The following SPAG9 variants were observed in gnomAD, a reference collection of about 807,000 sequenced individuals.
The protein encoded by SPAG9 is C-Jun-amino-terminal kinase-interacting protein 4.
Under a neutral mutation model 166.5 loss-of-function variants are expected in SPAG9, and 35 were observed. The ratio of observed to expected loss-of-function variants is 0.21; its 90% CI spans 0.16 to 0.28. SPAG9 has a LOEUF of 0.28. Among genes scored for constraint, SPAG9 ranks in the 10% least tolerant of loss-of-function variants. The pLI is 1.00. For synonymous variants in SPAG9, 534 were observed against 565.5 expected (o/e 0.94, Z 0.79); for missense variants, 1,235 against 1,603.3 (o/e 0.77, Z 3.92).
In SPAG9 at chr17:51,000,512, T is replaced by C. The variant is rs184624956; in HGVS notation, c.1608-795A>G. Among the ~76,000 whole-genome samples, 1,371 of 152,110 alleles carry C rather than the reference T, an allele frequency of 9.0e-3. 24 individuals carry two copies. Among genetic ancestry groups the C allele is most frequent in the African/African-American group, 0.032 (1,320 of 41,474 alleles). ...ACTTTGGGAGGCCGAGGCGGGCGGA[T>C]CACTTGAGGTCAAAAGTTCGAGACC... is the stretch of plus-strand genomic sequence containing the variant. On this transcript the variant is annotated intron_variant, in intron 13 of 29. Coordinates refer to ENST00000262013, the MANE Select transcript of SPAG9 (RefSeq NM_001130528.3).
Position 51,093,209 on chromosome 17 carries a change from T to A in SPAG9, c.304-13505A>T, listed in dbSNP as rs898276405. ...AGGCAAAATAGCAAAACCCTCTTTT[T>A]AAAAAAAACAAAAAAATGAAAATAA... On this transcript the variant is annotated intron_variant, in intron 1 of 29. Transcript: ENST00000262013. Among the ~76,000 whole-genome samples, 3 of 150,408 alleles carry A rather than the reference T, an allele frequency of 2.0e-5. No individual in the cohort carries two copies. In the Admixed American group the frequency reaches 2.0e-4, roughly 10 times the overall value.
chr17:51,074,238 A>G (rs2047904989), intron 2 of SPAG9, among the ~76,000 whole-genome samples: 1 of 151,832 alleles, frequency 6.6e-6, no homozygotes, highest in Admixed American at 6.6e-5. Flanking sequence ...TCCGTCTCAA[A>G]AAAATAAAAA....
chr17:50,976,902 A>G, intron 27 of SPAG9: 1 of 428,010 alleles, frequency 2.3e-6, no homozygotes, highest in Non-Finnish European at 4.2e-6. Context: ...ATGTTTTGAC[A>G]ACGAAAAACT....
chr17:50,996,301 A>G, intron 16 of SPAG9: 1 of 400,914 alleles, frequency 2.5e-6, no homozygotes, highest in Non-Finnish European at 4.5e-6. Flanking sequence ...CTCTGGTTAC[A>G]GCAGAGCGGG....
intron 1 of SPAG9, among the ~76,000 whole-genome samples, chr17:51,101,374 A>C (rs1219522268): frequency 6.7e-6 from 1 of 148,332 alleles, no homozygotes; most frequent in African/African-American, 2.5e-5. Flanking sequence ...AAAAAAAATT[A>C]CCTTTCTGGT....
chr17:50,990,834 G>A (rs1289209817), intron 19 of SPAG9, 166 bp from the exon 20 acceptor site: 9 of 566,996 alleles, frequency 1.6e-5, no homozygotes, highest in South Asian at 4.6e-5. Flanking sequence ...AATATGGGAA[G>A]GTAACTTAAA....
intron 5 of SPAG9, among the ~76,000 whole-genome samples, chr17:51,038,453 T>C (rs1477679696): frequency 2.0e-5 from 3 of 152,128 alleles, no homozygotes; most frequent in Non-Finnish European, 2.9e-5. Flanking sequence ...GCTGAATATA[T>C]TGAAATATAT....
intron 25 of SPAG9, among the ~76,000 whole-genome samples, 164 bp from the exon 26 acceptor site, chr17:50,980,081 C>A (rs1974483912): frequency 6.6e-6 from 1 of 152,092 alleles, no homozygotes; most frequent in African/African-American, 2.4e-5. Context: ...TCCTGGAATG[C>A]AAAAAATAAA....
chr17:50,964,542 C>T lies in SPAG9; in HGVS notation c.*1730G>A, dbSNP rs546771970. 1.7e-4 allele frequency: 35 copies of T among 205,998 alleles called. 1 individual carries two copies. Among genetic ancestry groups the T allele is most frequent in the South Asian group, 1.4e-3 (30 of 21,202 alleles). The allele number at this position is 205,998 out of a possible 1,614,324, so 12.8% of individuals were successfully genotyped here. ...GGTGGAGGTTGCAGTGAGCTGAGAT[C>T]GCACCACTGCATTCCAGCCTGGGCA... is the stretch of plus-strand genomic sequence containing the variant. On this transcript the variant is annotated 3_prime_UTR_variant, in exon 30 of 30. Coordinates refer to ENST00000262013, the MANE Select transcript of SPAG9 (RefSeq NM_001130528.3).
At chr17:51,083,205 T>A (rs2048214185) in intron 1 of SPAG9, among the ~76,000 whole-genome samples, 1 of 151,918 alleles carries the variant, frequency 6.6e-6, no homozygotes, top group East Asian at 1.9e-4. Flanking sequence ...CTTTTTTACA[T>A]AAGCTTGAGT....
At chr17:51,110,862 GT>G (rs1462101741) in intron 1 of SPAG9, among the ~76,000 whole-genome samples, 3 of 152,042 alleles carry the variant, frequency 2.0e-5, no homozygotes, top group African/African-American at 7.2e-5. Flanking sequence ...GCTCATGCCT[GT>G]AATCCCACCA....
intron 1 of SPAG9, among the ~76,000 whole-genome samples, chr17:51,095,296 TAAAAAAAAAAAAA>T (rs71149343): frequency 4.8e-5 from 4 of 83,474 alleles, no homozygotes; most frequent in Admixed American, 1.2e-4. Context: ...ACTCCATCTT[TAAAAAAAAAAAAA>T]AAAAAAAAAA....
chr17:51,066,292 G>GT (rs2047662538), intron 2 of SPAG9, among the ~76,000 whole-genome samples: 1 of 151,682 alleles, frequency 6.6e-6, no homozygotes, highest in South Asian at 2.1e-4. Context: ...TTGATTTTTT[G>GT]TAGAGACAAG....
At chr17:50,972,432 C>T (rs894536413) in intron 28 of SPAG9, among the ~76,000 whole-genome samples, 1 of 152,174 alleles carries the variant, frequency 6.6e-6, no homozygotes, top group Non-Finnish European at 1.5e-5. Context: ...AACAAAATTA[C>T]TAGTAAATGT....
intron 8 of SPAG9, among the ~76,000 whole-genome samples, chr17:51,017,959 T>C (rs1190477971): frequency 3.9e-5 from 6 of 152,170 alleles, no homozygotes; most frequent in Non-Finnish European, 8.8e-5. Flanking sequence ...AAATGGCTTG[T>C]ATTTTTATAG....
chr17:51,046,659 A>T (rs770209505), intron 4 of SPAG9: 5 of 1,535,552 alleles, frequency 3.3e-6, no homozygotes, highest in Non-Finnish European at 4.4e-6. Context: ...TCCAGGACTC[A>T]TGGCGCTGTG....
At position 51,025,864 on chromosome 17, in the gene SPAG9, T is replaced by C. The variant is rs116494753; in HGVS notation, c.784-4499A>G. Among the ~76,000 whole-genome samples the C allele has an allele frequency of 5.3e-3, 802 of 152,302 alleles. 5 individuals carry two copies. The highest frequency in any genetic ancestry group is 0.018 in the African/African-American group (755 of 41,564). On this transcript the variant is annotated intron_variant, in intron 6 of 29. Transcript: ENST00000262013. ...CTCAGATTGCACCCATGTTATCATG[T>C]ACATGAATTCTCATTCTTTAAAAGT...
At position 51,001,967 on chromosome 17, in the gene SPAG9, T is replaced by C. The variant is rs902144450; in HGVS notation, c.1477-122A>G. The C allele has an allele frequency of 6.0e-5, 52 of 862,958 alleles. No individual in the cohort carries two copies. In the African/African-American group the frequency reaches 7.2e-4, roughly 12 times the overall value. The allele number at this position is 862,958 out of a possible 1,614,324, so 53.5% of individuals were successfully genotyped here. A position where few individuals can be genotyped will look rare whatever the true frequency, so the allele number is the denominator to read the frequency against. ...CCTTAATTTTTAATCTAGTAGATCATTTAAAGAAAAATGGCTTTATAAAAA... is the reference window on the plus strand; with the variant it reads ...CCTTAATTTTTAATCTAGTAGATCACTTAAAGAAAAATGGCTTTATAAAAA... On this transcript the variant is annotated intron_variant, in intron 12 of 29. Transcript: ENST00000262013.
At chr17:51,034,016 C>T (rs1010430459) in intron 5 of SPAG9, among the ~76,000 whole-genome samples, 4 of 152,186 alleles carry the variant, frequency 2.6e-5, no homozygotes, top group African/African-American at 4.8e-5. Context: ...GGTCAACATA[C>T]AACACAATAG....
Sources: allele counts gnomAD v4.1 joint callset (sites outside exome capture counted in the v4.1 genomes callset), GRCh38; gene constraint gnomAD v4.1.1; transcripts MANE v1.5; gene names NCBI Gene and HGNC (gene_info 2026-07-23, HGNC 2026-07-21).